TRMU: variants seen among roughly 807,000 people sequenced by gnomAD.
The protein encoded by TRMU is mitochondrial tRNA-specific 2-thiouridylase 1.
Under a neutral mutation model 46.9 loss-of-function variants are expected in TRMU, and 49 were observed. That is an observed-to-expected ratio of 1.05 (90% CI 0.83 to 1.33). The LOEUF (loss-of-function observed/expected upper bound fraction) is 1.33, where lower values mean the gene tolerates loss of function less well. Ranked by LOEUF, TRMU falls within the 40% of genes most tolerant of loss-of-function variation. The probability of loss-of-function intolerance (pLI) is 0.00; values close to 1 mark genes in which losing one functional copy is unlikely to be tolerated. For missense variants in TRMU, 572 were observed against 532.4 expected (o/e 1.07, Z -0.73); for synonymous variants, 241 against 200.9 (o/e 1.20, Z -1.69).
chr22:46,350,222 G>C lies in TRMU; in HGVS notation c.479-69G>C. 6.3e-7 allele frequency: 1 copy of C among 1,593,658 alleles called. No homozygotes were observed. The highest frequency in any genetic ancestry group is 1.1e-5 in the South Asian group (1 of 90,288). ...GGGTAGTCTGTCTAAGTGAACAGAAGGACATTGTTGAAAGTGAAGTATCAT... is the reference window on the plus strand; with the variant it reads ...GGGTAGTCTGTCTAAGTGAACAGAACGACATTGTTGAAAGTGAAGTATCAT... On this transcript the variant is annotated intron_variant, in intron 4 of 10. Coordinates refer to ENST00000645190, the MANE Select transcript of TRMU (RefSeq NM_018006.5). The surrounding 1 kb of genome is among the most constrained non-coding windows in gnomAD (Gnocchi z 4.6).
intron 8 of TRMU, chr22:46,355,026 C>T (rs534104786): frequency 7.7e-6 from 2 of 261,404 alleles, no homozygotes; most frequent in South Asian, 4.5e-5. Flanking sequence ...GGAGGAATTC[C>T]TGGGGTGGCC....
rs1453318463 is a variant in TRMU, at chr22:46,356,486, C to T, written c.1102-356C>T. The T allele has an allele frequency of 7.3e-5, 31 of 425,424 alleles. No homozygotes were observed. The East Asian group carries it at 1.3e-3, about 18-fold the overall frequency. The allele number at this position is 425,424 out of a possible 1,614,324, so 26.4% of individuals were successfully genotyped here. A position where few individuals can be genotyped will look rare whatever the true frequency, so the allele number is the denominator to read the frequency against. ...CCAGGGGCAGGTGGTGGGAGGGAAC[C>T]TGGGGTGAGGGAAGCGGAAGCATCC... On this transcript the variant is annotated intron_variant, in intron 10 of 10. Transcript: ENST00000645190.
intron 8 of TRMU, chr22:46,354,148 G>A (rs538502265): frequency 1.6e-3 from 615 of 383,086 alleles, no homozygotes; most frequent in Admixed American, 2.7e-3. Flanking sequence ...GGACAGCGAC[G>A]CCCAGAGCTT....
chr22:46,350,208 C>T lies in TRMU; in HGVS notation c.479-83C>T. ...CTCTGACAGGCTAGGGGTAGTCTGT[C>T]TAAGTGAACAGAAGGACATTGTTGA... is the stretch of plus-strand genomic sequence containing the variant. On this transcript the variant is annotated intron_variant, in intron 4 of 10. Coordinates refer to ENST00000645190, the MANE Select transcript of TRMU (RefSeq NM_018006.5). This position sits in a 1 kb window ranked among gnomAD's most constrained non-coding sequence, Gnocchi z 4.6. The T allele has an allele frequency of 6.4e-7, 1 of 1,556,496 alleles. No individual in the cohort carries two copies. Among genetic ancestry groups the T allele is most frequent in the Non-Finnish European group, 8.8e-7 (1 of 1,131,452 alleles).
rs1450159902 is a variant in TRMU, at chr22:46,350,973, G to C, written c.651+510G>C. Among the ~76,000 whole-genome samples the C allele has an allele frequency of 2.0e-5, 3 of 152,244 alleles. No homozygotes were observed. The highest frequency in any genetic ancestry group is 4.8e-5 in the African/African-American group (2 of 41,464). On this transcript the variant is annotated intron_variant, in intron 5 of 10. Transcript: ENST00000645190. The surrounding 1 kb of genome is among the most constrained non-coding windows in gnomAD (Gnocchi z 4.6). Reference sequence around the variant, plus strand: ...GCCTCCATGGAGCCCGCCCGCGAGTGGGGGACACAGGCAGGAGGCCAATCA... The same window carrying C: ...GCCTCCATGGAGCCCGCCCGCGAGTCGGGGACACAGGCAGGAGGCCAATCA...
intron 3 of TRMU, among the ~76,000 whole-genome samples, chr22:46,344,662 T>C (rs950358298): frequency 6.6e-6 from 1 of 152,202 alleles, no homozygotes; most frequent in Non-Finnish European, 1.5e-5. Context: ...TCAGGCACGC[T>C]GTGGAAGGAA....
chr22:46,338,234 G>A lies in TRMU; in HGVS notation c.248+290G>A. The A allele has an allele frequency of 2.4e-6, 1 of 415,698 alleles. No homozygotes were observed. Among genetic ancestry groups the A allele is most frequent in the South Asian group, 2.1e-5 (1 of 47,742 alleles). 25.8% of individuals were successfully genotyped at this position (415,698 alleles called of 1,614,324 possible). On this transcript the variant is annotated intron_variant, in intron 2 of 10. Coordinates refer to ENST00000645190, the MANE Select transcript of TRMU (RefSeq NM_018006.5). The surrounding 1 kb of genome is among the most constrained non-coding windows in gnomAD (Gnocchi z 4.5). Reference sequence around the variant, plus strand: ...CTGTTTCTGTTGCCCAGTTAGGATAGGGGAGCTAAGGCTGAGGGCTCCCCT... The same window carrying A: ...CTGTTTCTGTTGCCCAGTTAGGATAAGGGAGCTAAGGCTGAGGGCTCCCCT...
chr22:46,339,331 G>C lies in TRMU; in HGVS notation c.248+1387G>C, dbSNP rs1024926678. Among the ~76,000 whole-genome samples, 1 of 152,124 alleles carries C rather than the reference G, an allele frequency of 6.6e-6. No individual in the cohort carries two copies. The highest frequency in any genetic ancestry group is 6.5e-5 in the Admixed American group (1 of 15,270). Reference sequence around the variant, plus strand: ...CGCCCGGATAATTTTTGTATTTTTAGTAGAGACAGGGTTTCGCCATGTTGG... The same window carrying C: ...CGCCCGGATAATTTTTGTATTTTTACTAGAGACAGGGTTTCGCCATGTTGG... On this transcript the variant is annotated intron_variant, in intron 2 of 10. Coordinates refer to ENST00000645190, the MANE Select transcript of TRMU (RefSeq NM_018006.5). This position sits in a 1 kb window ranked among gnomAD's most constrained non-coding sequence, Gnocchi z 4.8.
rs1018735813 is a variant in TRMU at position 46,350,517 on chromosome 22, T to C, written c.651+54T>C. ...TGCCTGTTTCCCTTTCCCGACTGCATGGCACGGAGCAGCTGGACCTGTGGG... is the reference window on the plus strand; with the variant it reads ...TGCCTGTTTCCCTTTCCCGACTGCACGGCACGGAGCAGCTGGACCTGTGGG... On this transcript the variant is annotated intron_variant, in intron 5 of 10. Transcript: ENST00000645190. The surrounding 1 kb of genome is among the most constrained non-coding windows in gnomAD (Gnocchi z 4.6). The C allele has an allele frequency of 3.1e-5, 50 of 1,605,858 alleles. No individual in the cohort carries two copies. The Middle Eastern group carries it at 6.8e-4, about 22-fold the overall frequency.
chr22:46,346,916 C>T (rs1267459689), intron 4 of TRMU, among the ~76,000 whole-genome samples: 1 of 152,248 alleles, frequency 6.6e-6, no homozygotes, highest in Non-Finnish European at 1.5e-5. Flanking sequence ...GCAACAAGTT[C>T]TCAAGGGCGT....
In TRMU at chr22:46,336,086, A is replaced by C. The variant is rs1388390332; in HGVS notation, c.82+240A>C. ...TGGGAGCAGTTCCGCGCCCCTCTCC[A>C]CCCACGCGCGCCCACCCACAGTGAG... is the stretch of plus-strand genomic sequence containing the variant. On this transcript the variant is annotated intron_variant, in intron 1 of 10. Coordinates refer to ENST00000645190, the MANE Select transcript of TRMU (RefSeq NM_018006.5). This position sits in a 1 kb window ranked among gnomAD's most constrained non-coding sequence, Gnocchi z 4.1. 5 of 1,352,842 alleles carry C rather than the reference A, an allele frequency of 3.7e-6. No individual in the cohort carries two copies. The highest frequency in any genetic ancestry group is 3.3e-5 in the South Asian group (2 of 60,628). The allele number at this position is 1,352,842 out of a possible 1,614,324, so 83.8% of individuals were successfully genotyped here. A position where few individuals can be genotyped will look rare whatever the true frequency, so the allele number is the denominator to read the frequency against.
chr22:46,351,855 T>G lies in TRMU; in HGVS notation c.652-266T>G. 1.8e-6 allele frequency: 1 copy of G among 557,784 alleles called. No homozygotes were observed. Among genetic ancestry groups the G allele is most frequent in the Non-Finnish European group, 3.2e-6 (1 of 309,578 alleles). 34.6% of individuals were successfully genotyped at this position (557,784 alleles called of 1,614,324 possible). Reference sequence around the variant, plus strand: ...CTGAAGGACCTGACCGGGTTCTGCTTTCTTCCCCGGGGCAGCTGGTGTGAG... The same window carrying G: ...CTGAAGGACCTGACCGGGTTCTGCTGTCTTCCCCGGGGCAGCTGGTGTGAG... On this transcript the variant is annotated intron_variant, in intron 5 of 10. Transcript: ENST00000645190. This position sits in a 1 kb window ranked among gnomAD's most constrained non-coding sequence, Gnocchi z 6.4.
Position 46,355,470 on chromosome 22 carries a change from G to T in TRMU, c.900G>T (p.Leu300=), listed in dbSNP as rs113846383. 426 of 1,613,072 alleles carry T rather than the reference G, an allele frequency of 2.6e-4. No individual in the cohort carries two copies. The highest frequency in any genetic ancestry group is 2.5e-3 in the African/African-American group (185 of 75,046). The change falls in exon 9 of 11, where the codon CTG becomes CTT. Residue 300 remains leucine (L), a synonymous_variant. Transcript: ENST00000645190. ...CCCCCCGGACAGACCACCCAGCCCT[G>T]TACAGGGACCTGCTGAGGACCAGCC... The part of the protein sequence containing the change: ...FVAPRTDHPA[L]YRDLLRTSRV...
Position 46,343,324 on chromosome 22 carries a change from A to C in TRMU, c.311A>C (p.His104Pro). The C allele has an allele frequency of 6.2e-7, 1 of 1,614,136 alleles. No homozygotes were observed. The highest frequency in any genetic ancestry group is 8.5e-7 in the Non-Finnish European group (1 of 1,180,022). The part of the protein sequence containing the change: ...TPNPDIVCNK[H>P]IKFSCFFHYA... ...AATCCTGACATAGTTTGCAACAAGC[A>C]CATCAAATTTAGTTGCTTTTTTCAT... Residue 104 changes from histidine (H) to proline (P), a missense_variant, in exon 3 of 11, where the codon CAC (histidine) becomes CCC (proline). Physicochemically the swap from His to Pro is moderately conservative, Grantham distance 77. Transcript: ENST00000645190.
chr22:46,341,767 G>T (rs1255859651), intron 2 of TRMU, among the ~76,000 whole-genome samples: 1 of 152,128 alleles, frequency 6.6e-6, no homozygotes, highest in African/African-American at 2.4e-5. Context: ...CAGTCAGTCT[G>T]TTAGAGCAGA....
chr22:46,355,668 AC>A, intron 9 of TRMU, 80 bp downstream of exon 9: 1 of 1,600,722 alleles, frequency 6.2e-7, no homozygotes, highest in African/African-American at 1.3e-5. Context: ...GGGATGGGAG[AC>A]CCTGGGGTAG....
chr22:46,352,279 C>G lies in TRMU; in HGVS notation c.721C>G (p.Pro241Ala), dbSNP rs142972675. 6.2e-6 allele frequency: 10 copies of G among 1,614,116 alleles called. No individual in the cohort carries two copies. The highest frequency in any genetic ancestry group is 8.5e-6 in the Non-Finnish European group (10 of 1,180,038). The change falls in exon 7 of 11, where the codon CCT becomes GCT. Residue 241 changes from proline to alanine, a missense_variant. Coordinates refer to ENST00000645190, the MANE Select transcript of TRMU (RefSeq NM_018006.5). Reference protein sequence around the residue: ...HFLLQYLQPRPGHFISIEDNK... With the variant: ...HFLLQYLQPRAGHFISIEDNK... Reference sequence around the variant, plus strand: ...TGTTTTCCAGTATCTGCAGCCTCGACCTGGTCACTTTATTTCCATAGAAGA... The same window carrying G: ...TGTTTTCCAGTATCTGCAGCCTCGAGCTGGTCACTTTATTTCCATAGAAGA...
At chr22:46,341,135 T>C (rs1041067251) in intron 2 of TRMU, among the ~76,000 whole-genome samples, 17 of 152,246 alleles carry the variant, frequency 1.1e-4, no homozygotes, top group Admixed American at 1.3e-4. Context: ...TCTTTCCAGT[T>C]AGAGAAGAGG....
chr22:46,355,815 G>C, intron 9 of TRMU, 175 bp from the exon 10 acceptor site: 1 of 993,532 alleles, frequency 1.0e-6, no homozygotes, highest in South Asian at 1.4e-5. Flanking sequence ...GCTGAAGCAA[G>C]TGTGTACACT....
Sources: gnomAD v4.1 joint callset for allele counts (sites outside exome capture counted in the v4.1 genomes callset) on GRCh38, gnomAD v4.1.1 for gene constraint, Gnocchi (gnomAD v3.1) non-coding constraint, MANE v1.5 for transcripts, NCBI Gene and HGNC (gene_info 2026-07-23, HGNC 2026-07-21) for gene names.